SEMA5A: variants seen among roughly 807,000 people sequenced by gnomAD.
SEMA5A encodes semaphorin-5A.
In SEMA5A, 55 loss-of-function variants were observed where a neutral mutation model predicts 135.5. That is an observed-to-expected ratio of 0.41 (90% CI 0.33 to 0.51). The LOEUF (loss-of-function observed/expected upper bound fraction) is 0.51, where lower values mean the gene tolerates loss of function less well. SEMA5A is among the 20% of genes least tolerant of loss of function. The pLI, the probability that SEMA5A is intolerant of heterozygous loss-of-function variation, is 0.37. For missense variants in SEMA5A, 1,290 were observed against 1,419.9 expected (o/e 0.91, Z 1.47); for synonymous variants, 580 against 546.5 (o/e 1.06, Z -0.85).
At chr5:9,099,065 C>A (rs747582158) in intron 16 of SEMA5A, among the ~76,000 whole-genome samples, 8 of 152,116 alleles carry the variant, frequency 5.3e-5, no homozygotes, top group Non-Finnish European at 8.8e-5. Context: ...ATACCAATTG[C>A]AATTTCCAGA....
intron 13 of SEMA5A, among the ~76,000 whole-genome samples, chr5:9,126,497 G>C (rs925923688): frequency 6.6e-6 from 1 of 151,228 alleles, no homozygotes; most frequent in Non-Finnish European, 1.5e-5. Flanking sequence ...ACAGCTCCAA[G>C]AGTTCATCTT....
At chr5:9,129,202 C>A (rs1167633734) in intron 13 of SEMA5A, among the ~76,000 whole-genome samples, 1 of 152,092 alleles carries the variant, frequency 6.6e-6, no homozygotes, top group Non-Finnish European at 1.5e-5. Flanking sequence ...AGGAAAGAGG[C>A]AAATAAAATA....
At chr5:9,362,292 C>T (rs970411889) in intron 3 of SEMA5A, among the ~76,000 whole-genome samples, 1 of 152,130 alleles carries the variant, frequency 6.6e-6, no homozygotes, top group Non-Finnish European at 1.5e-5. Flanking sequence ...CCAGACTTGA[C>T]CTCTCTTTTT....
intron 15 of SEMA5A, among the ~76,000 whole-genome samples, chr5:9,117,357 C>T (rs560892498): frequency 7.9e-5 from 12 of 152,282 alleles, no homozygotes; most frequent in Admixed American, 6.5e-4. Context: ...GTGACTTTGC[C>T]TGGATGGGCT....
intron 6 of SEMA5A, among the ~76,000 whole-genome samples, chr5:9,229,728 T>TAA (rs770820920): frequency 1.5e-5 from 2 of 134,916 alleles, no homozygotes; most frequent in Non-Finnish European, 3.2e-5. Context: ...CTTTTTCCTT[T>TAA]AAAAAAAAAA....
At chr5:9,496,628 T>A (rs1182234391) in intron 1 of SEMA5A, among the ~76,000 whole-genome samples, 1 of 152,200 alleles carries the variant, frequency 6.6e-6, no homozygotes, top group Non-Finnish European at 1.5e-5. Flanking sequence ...CCAGCTGGGA[T>A]GTGGCAGGGT....
At chr5:9,192,804 G>A (rs1378533620) in intron 10 of SEMA5A, among the ~76,000 whole-genome samples, 2 of 152,168 alleles carry the variant, frequency 1.3e-5, no homozygotes, top group Non-Finnish European at 2.9e-5. Flanking sequence ...AAGTCACGGC[G>A]GCAGTTAGCT....
intron 12 of SEMA5A, among the ~76,000 whole-genome samples, chr5:9,142,327 A>G (rs1742107305): frequency 6.6e-6 from 1 of 152,164 alleles, no homozygotes; most frequent in Non-Finnish European, 1.5e-5. Context: ...AGCTTGGGAA[A>G]AGCACTCAGT....
intron 5 of SEMA5A, among the ~76,000 whole-genome samples, chr5:9,295,892 C>T (rs766719691): frequency 5.9e-5 from 9 of 152,128 alleles, no homozygotes; most frequent in African/African-American, 9.7e-5. Flanking sequence ...TGTACACATC[C>T]AGACGACCTG....
chr5:9,146,018 T>G (rs181819849), intron 12 of SEMA5A, among the ~76,000 whole-genome samples: 1 of 152,226 alleles, frequency 6.6e-6, no homozygotes, highest in East Asian at 1.9e-4. Flanking sequence ...TGGTAATAGA[T>G]TTTCAAACTT....
intron 12 of SEMA5A, among the ~76,000 whole-genome samples, chr5:9,147,469 A>C (rs562671919): frequency 6.6e-6 from 1 of 152,062 alleles, no homozygotes; most frequent in Non-Finnish European, 1.5e-5. Flanking sequence ...ACAGGGTTTC[A>C]CCACGTTGGC....
intron 12 of SEMA5A, among the ~76,000 whole-genome samples, chr5:9,141,518 T>A (rs980100357): frequency 2.6e-5 from 4 of 152,320 alleles, no homozygotes; most frequent in Non-Finnish European, 5.9e-5. Context: ...TTTGAAAGTA[T>A]CTGAATTTAG....
At chr5:9,354,383 A>AT (rs1402538364) in intron 3 of SEMA5A, among the ~76,000 whole-genome samples, 1 of 151,840 alleles carries the variant, frequency 6.6e-6, no homozygotes, top group Non-Finnish European at 1.5e-5. Context: ...CTTGTTTCCA[A>AT]TTTTTCTTGA....
chr5:9,383,923 G>A (rs1755721002), intron 2 of SEMA5A, among the ~76,000 whole-genome samples: 1 of 152,158 alleles, frequency 6.6e-6, no homozygotes, highest in African/African-American at 2.4e-5. Context: ...GAGAAGAGGG[G>A]AAATGACACA....
Position 9,428,937 on chromosome 5 carries a change from C to T in SEMA5A, c.-78+8819G>A, listed in dbSNP as rs142834567. ...GCCAGAGTGTTAAGTATTGGGAAGA[C>T]GGATGCAATAATCAAGCCAAGGACT... On this transcript the variant is annotated intron_variant, in intron 2 of 22. Coordinates refer to ENST00000382496, the MANE Select transcript of SEMA5A (RefSeq NM_003966.3). 3.8e-3 allele frequency among the ~76,000 whole-genome samples: 574 copies of T among 152,154 alleles called. 4 individuals are homozygous for T. Among genetic ancestry groups the T allele is most frequent in the African/African-American group, 0.013 (545 of 41,478 alleles).
chr5:9,402,563 C>T (rs1430798936), intron 2 of SEMA5A, among the ~76,000 whole-genome samples: 1 of 152,188 alleles, frequency 6.6e-6, no homozygotes, highest in African/African-American at 2.4e-5. Flanking sequence ...GTACCATCTA[C>T]CTGTCAAGGT....
chr5:9,464,514 AATTTTAATAACAT>A (rs1481946720), intron 1 of SEMA5A, among the ~76,000 whole-genome samples: 1 of 152,252 alleles, frequency 6.6e-6, no homozygotes, highest in Non-Finnish European at 1.5e-5. Flanking sequence ...TGTTTTAAAT[AATTTTAATAACAT>A]ATTTTTAAGT....
At chr5:9,116,887 C>T (rs1036929524) in intron 15 of SEMA5A, among the ~76,000 whole-genome samples, 8 of 152,180 alleles carry the variant, frequency 5.3e-5, no homozygotes, top group Admixed American at 2.0e-4. Flanking sequence ...ATCTAAGAAC[C>T]TATTGCTTAT....
chr5:9,535,214 C>T (rs1377757581), intron 1 of SEMA5A, among the ~76,000 whole-genome samples: 2 of 152,234 alleles, frequency 1.3e-5, no homozygotes, highest in Non-Finnish European at 2.9e-5. Context: ...AAGTAACATT[C>T]GCAGGCGTAA....
Sources: allele counts gnomAD v4.1 joint callset (sites outside exome capture counted in the v4.1 genomes callset), GRCh38; gene constraint gnomAD v4.1.1; transcripts MANE v1.5; gene names NCBI Gene and HGNC (gene_info 2026-07-23, HGNC 2026-07-21).